Variants in NELL2 observed in about 807,000 individuals in gnomAD.
NELL2 encodes neural EGFL like 2.
Under a neutral mutation model 109.6 loss-of-function variants are expected in NELL2, and 41 were observed. The ratio of observed to expected loss-of-function variants is 0.37; its 90% CI spans 0.29 to 0.49. NELL2 has a LOEUF of 0.49. NELL2 is among the 20% of genes least tolerant of loss of function. The pLI is 0.98. For synonymous variants in NELL2, 355 were observed against 344.7 expected (o/e 1.03, Z -0.33); for missense variants, 900 against 1,008.3 (o/e 0.89, Z 1.45).
chr12:44,759,011 C>A (rs960683198), intron 9 of NELL2, among the ~76,000 whole-genome samples: 1 of 152,126 alleles, frequency 6.6e-6, no homozygotes, highest in African/African-American at 2.4e-5. Context: ...CTTGATATTA[C>A]CTGAAAATGC....
In NELL2 at chr12:44,831,782, G is replaced by A. The variant is rs1943895287; in HGVS notation, c.185-15646C>T. 3.3e-5 allele frequency among the ~76,000 whole-genome samples: 5 copies of A among 152,198 alleles called. No individual in the cohort carries two copies. The South Asian group carries it at 1.0e-3, about 31-fold the overall frequency. ...GGAAAATGGCAGTGTGGAGTTAGAAGACAGACAAAAACTGTGTCCGTGAGT... is the reference window on the plus strand; with the variant it reads ...GGAAAATGGCAGTGTGGAGTTAGAAAACAGACAAAAACTGTGTCCGTGAGT... On this transcript the variant is annotated intron_variant, in intron 2 of 19. Coordinates refer to ENST00000429094, the MANE Select transcript of NELL2 (RefSeq NM_001145108.2).
At chr12:44,713,446 T>C (rs191157021) in intron 10 of NELL2, among the ~76,000 whole-genome samples, 32 of 152,064 alleles carry the variant, frequency 2.1e-4, no homozygotes, top group Admixed American at 3.9e-4. Context: ...CTTTTATCTA[T>C]TGTGAGACTT....
intron 9 of NELL2, among the ~76,000 whole-genome samples, chr12:44,770,408 C>T (rs940831579): frequency 6.6e-6 from 1 of 152,174 alleles, no homozygotes; most frequent in Admixed American, 6.5e-5. Context: ...TGACCAAAGT[C>T]TCACAGCTAA....
intron 2 of NELL2, among the ~76,000 whole-genome samples, chr12:44,824,181 T>G (rs1444442688): frequency 6.6e-6 from 1 of 152,256 alleles, no homozygotes; most frequent in African/African-American, 2.4e-5. Flanking sequence ...CCTTGGCAGA[T>G]GTACTGTTTA....
At chr12:44,849,967 T>C (rs897014149) in intron 2 of NELL2, among the ~76,000 whole-genome samples, 4 of 152,096 alleles carry the variant, frequency 2.6e-5, no homozygotes, top group Non-Finnish European at 4.4e-5. Context: ...CAGAGAGTAA[T>C]TGTGTGGGAG....
intron 1 of NELL2, among the ~76,000 whole-genome samples, chr12:44,904,462 G>T (rs949167928): frequency 1.1e-4 from 17 of 152,246 alleles, no homozygotes; most frequent in Admixed American, 2.6e-4. Context: ...CTTGCCTGCT[G>T]AACAGATACA....
intron 3 of NELL2, among the ~76,000 whole-genome samples, chr12:44,797,565 G>A (rs1367651614): frequency 6.6e-6 from 1 of 151,876 alleles, no homozygotes; most frequent in Non-Finnish European, 1.5e-5. Context: ...TTGGCCAGTT[G>A]TGTATATACA....
At chr12:44,741,270 C>A (rs778467632) in intron 9 of NELL2, among the ~76,000 whole-genome samples, 1 of 152,096 alleles carries the variant, frequency 6.6e-6, no homozygotes, top group Non-Finnish European at 1.5e-5. Context: ...AAACTTAAAA[C>A]TTTTCTTTAG....
At chr12:44,906,206 G>A (rs71445709) in intron 1 of NELL2, among the ~76,000 whole-genome samples, 11,321 of 152,054 alleles carry the variant, frequency 0.074, 546 homozygotes, top group Admixed American at 0.12. Context: ...GAATGTTCCA[G>A]GCAAACCTGA....
chr12:44,616,147 C>T (rs564792373), intron 13 of NELL2, among the ~76,000 whole-genome samples: 3 of 152,262 alleles, frequency 2.0e-5, no homozygotes, highest in South Asian at 4.1e-4. Flanking sequence ...CTAGCTGACA[C>T]CTTTATACAC....
intron 9 of NELL2, among the ~76,000 whole-genome samples, chr12:44,736,112 G>A (rs931677573): frequency 6.3e-5 from 9 of 143,716 alleles, no homozygotes; most frequent in African/African-American, 1.0e-4. Context: ...CCGGGTTCAC[G>A]CCATTCTCCT....
At chr12:44,704,130 C>A (rs1157410105) in intron 11 of NELL2, among the ~76,000 whole-genome samples, 1 of 151,584 alleles carries the variant, frequency 6.6e-6, no homozygotes, top group Non-Finnish European at 1.5e-5. Flanking sequence ...TAATTATAAC[C>A]CTCCATATAT....
chr12:44,553,926 T>A (rs1347611238), intron 15 of NELL2, among the ~76,000 whole-genome samples: 3 of 152,166 alleles, frequency 2.0e-5, no homozygotes, highest in East Asian at 1.9e-4. Flanking sequence ...TTGCACATGC[T>A]AGTTTCACCC....
At chr12:44,815,654 T>A (rs1277671071) in intron 3 of NELL2, among the ~76,000 whole-genome samples, 1 of 152,258 alleles carries the variant, frequency 6.6e-6, no homozygotes, top group East Asian at 1.9e-4. Context: ...AGTCTCGCTC[T>A]GTTACCCAGG....
At chr12:44,746,837 T>C (rs1419218500) in intron 9 of NELL2, among the ~76,000 whole-genome samples, 1 of 152,178 alleles carries the variant, frequency 6.6e-6, no homozygotes, top group Non-Finnish European at 1.5e-5. Flanking sequence ...AGGAACACTT[T>C]TACACTGTTG....
intron 17 of NELL2, chr12:44,522,744 A>C (rs1039480812): frequency 6.5e-6 from 1 of 154,160 alleles, no homozygotes; most frequent in Non-Finnish European, 1.4e-5. Context: ...TAAAACTGAA[A>C]TATACACCAA....
chr12:44,792,829 A>G (rs1469399413), intron 3 of NELL2, among the ~76,000 whole-genome samples: 1 of 152,178 alleles, frequency 6.6e-6, no homozygotes, highest in Admixed American at 6.6e-5. Context: ...GAAACTACCA[A>G]CACCTTAAAT....
intron 1 of NELL2, among the ~76,000 whole-genome samples, chr12:44,910,584 C>T (rs1945768462): frequency 6.6e-6 from 1 of 151,888 alleles, no homozygotes; most frequent in East Asian, 1.9e-4. Flanking sequence ...AACTACCACT[C>T]AGCCCAGTAA....
chr12:44,897,061 A>G (rs1592710043), intron 1 of NELL2, among the ~76,000 whole-genome samples: 1 of 152,326 alleles, frequency 6.6e-6, no homozygotes, highest in East Asian at 1.9e-4. Flanking sequence ...TTTTCATTAA[A>G]AGGCCCTCTA....
Sources: gnomAD v4.1 joint callset for allele counts (sites outside exome capture counted in the v4.1 genomes callset) on GRCh38, gnomAD v4.1.1 for gene constraint, MANE v1.5 for transcripts, NCBI Gene and HGNC (gene_info 2026-07-23, HGNC 2026-07-21) for gene names.